The following EYA2 variants were observed in gnomAD, a reference collection of about 807,000 sequenced individuals.
EYA2 encodes protein phosphatase EYA2.
EYA2 carries 31 observed loss-of-function variants against 69.2 expected under a neutral mutation model. The observed-to-expected ratio is 0.45, with a 90% confidence interval of 0.34 to 0.60. The LOEUF (loss-of-function observed/expected upper bound fraction) is 0.60. Among genes scored for constraint, EYA2 ranks in the 20% least tolerant of loss-of-function variants. EYA2 has a pLI of 0.02. For synonymous variants in EYA2, 257 were observed against 279.4 expected, an observed-to-expected ratio of 0.92 and a Z score of 0.80; for missense variants, 622 against 701.2, an observed-to-expected ratio of 0.89 and a Z score of 1.28.
chr20:46,990,221 C>A (rs897275112), intron 2 of EYA2, 102 bp downstream of exon 2: 12 of 611,366 alleles, frequency 2.0e-5, no homozygotes, highest in Non-Finnish European at 3.0e-5. Flanking sequence ...AAGTACTGTC[C>A]TTAGGACAAT....
intron 9 of EYA2, among the ~76,000 whole-genome samples, chr20:47,097,813 T>C (rs2032296628): frequency 6.6e-6 from 1 of 152,204 alleles, no homozygotes; most frequent in Admixed American, 6.5e-5. Context: ...TCCCATGGGC[T>C]ACTGAACAGA....
At chr20:47,094,279 C>T (rs564793662) in intron 8 of EYA2, among the ~76,000 whole-genome samples, 9 of 152,128 alleles carry the variant, frequency 5.9e-5, no homozygotes, top group Non-Finnish European at 1.0e-4. Flanking sequence ...AAGTTCAACC[C>T]CAGTGAATTC....
At chr20:47,057,200 G>T (rs1325864056) in intron 5 of EYA2, among the ~76,000 whole-genome samples, 1 of 149,854 alleles carries the variant, frequency 6.7e-6, no homozygotes, top group Non-Finnish European at 1.5e-5. Flanking sequence ...GCACGTACTA[G>T]GCACTCAACA....
At chr20:47,101,631 G>A (rs1247550150) in intron 9 of EYA2, among the ~76,000 whole-genome samples, 1 of 152,158 alleles carries the variant, frequency 6.6e-6, no homozygotes, top group African/African-American at 2.4e-5. Flanking sequence ...ATAGTAAAAG[G>A]AAAAACAATT....
Position 47,182,628 on chromosome 20 carries a change from T to TCAAAAAAAAAAAAAAAAAAAAAAAAAA in EYA2, c.1436-663_1436-662insCAAAAAAAAAAAAAAAAAAAAAAAAAA, listed in dbSNP as rs779945744. 8.2e-4 allele frequency among the ~76,000 whole-genome samples: 69 copies of TCAAAAAAAAAAAAAAAAAAAAAAAAAA among 84,336 alleles called. 19 individuals carry two copies. The highest frequency in any genetic ancestry group is 4.1e-3 in the African/African-American group (62 of 15,294). The allele number at this position is 84,336 out of a possible 152,430, so 55.3% of individuals were successfully genotyped here. A position where few individuals can be genotyped will look rare whatever the true frequency, so the allele number is the denominator to read the frequency against. ...TGGGCAACAAGAACGAGACTCCGTC[T>TCAAAAAAAAAAAAAAAAAAAAAAAAAA]AAAAAAAAAAAAAAAAGGTTAAGAT... On this transcript the variant is annotated intron_variant, in intron 14 of 15. Transcript: ENST00000327619.
intron 5 of EYA2, among the ~76,000 whole-genome samples, chr20:47,065,775 G>C (rs1233582699): frequency 6.6e-6 from 1 of 152,092 alleles, no homozygotes; most frequent in Non-Finnish European, 1.5e-5. Context: ...GTAATAAACG[G>C]TTTGTGAGCA....
intron 4 of EYA2, among the ~76,000 whole-genome samples, chr20:47,011,457 T>A (rs188845857): frequency 1.2e-4 from 18 of 152,236 alleles, no homozygotes; most frequent in Admixed American, 9.8e-4. Context: ...CACTGCAGTA[T>A]CTTTGCCCTG....
chr20:46,922,872 A>G (rs1215689366), intron 1 of EYA2, among the ~76,000 whole-genome samples: 2 of 152,206 alleles, frequency 1.3e-5, no homozygotes, highest in Non-Finnish European at 2.9e-5. Flanking sequence ...ATCTGTATCA[A>G]TGTCATCACT....
rs557206098 is a variant in EYA2 at position 47,113,353 on chromosome 20, G to A, written c.888+16185G>A. ...GCCTTACAGCTGCTGTTTCATCCTT[G>A]AATTGCTTCAGTCCCAGGAGAGAGG... On this transcript the variant is annotated intron_variant, in intron 9 of 15. Coordinates refer to ENST00000327619, the MANE Select transcript of EYA2 (RefSeq NM_005244.5). 2.0e-5 allele frequency among the ~76,000 whole-genome samples: 3 copies of A among 152,266 alleles called. No homozygotes were observed. In the East Asian group the frequency reaches 5.8e-4, roughly 29 times the overall value.
intron 5 of EYA2, among the ~76,000 whole-genome samples, chr20:47,017,699 T>C (rs1983494194): frequency 6.6e-6 from 1 of 152,102 alleles, no homozygotes; most frequent in Admixed American, 6.6e-5. Flanking sequence ...TGACCAAACA[T>C]GCTAGGTGCC....
intron 1 of EYA2, among the ~76,000 whole-genome samples, chr20:46,933,317 CAGG>C (rs1985753696): frequency 6.6e-6 from 1 of 152,196 alleles, no homozygotes; most frequent in Non-Finnish European, 1.5e-5. Flanking sequence ...ACAGCTGGGG[CAGG>C]AGGAGAACAT....
At chr20:47,165,541 T>G (rs1004430138) in intron 10 of EYA2, among the ~76,000 whole-genome samples, 6 of 152,148 alleles carry the variant, frequency 3.9e-5, no homozygotes, top group African/African-American at 1.4e-4. Context: ...CTGCCGTTGG[T>G]CTCCAGGCCT....
chr20:46,914,425 C>T (rs887481472), intron 1 of EYA2, among the ~76,000 whole-genome samples: 3 of 152,182 alleles, frequency 2.0e-5, no homozygotes, highest in Non-Finnish European at 4.4e-5. Context: ...AAGACATACC[C>T]AACTGGGTAA....
chr20:47,060,695 G>T (rs1006967596), intron 5 of EYA2, among the ~76,000 whole-genome samples: 1 of 152,178 alleles, frequency 6.6e-6, no homozygotes, highest in Non-Finnish European at 1.5e-5. Flanking sequence ...TTGCTCCCCA[G>T]CACTGAAGCC....
intron 10 of EYA2, among the ~76,000 whole-genome samples, chr20:47,155,397 ATG>A (rs1361562064): frequency 6.6e-6 from 1 of 151,920 alleles, no homozygotes; most frequent in Non-Finnish European, 1.5e-5. Flanking sequence ...CTGAGTGCAC[ATG>A]TGGGAGTAAC....
chr20:47,092,447 G>A (rs150836265), intron 8 of EYA2, among the ~76,000 whole-genome samples: 67 of 152,288 alleles, frequency 4.4e-4, no homozygotes, highest in East Asian at 4.1e-3. Context: ...ACGTATTGGC[G>A]TCAGGTTGTA....
At chr20:47,095,902 C>G (rs2032233193) in intron 8 of EYA2, 6 of 152,100 alleles carry the variant, frequency 3.9e-5, no homozygotes, top group Middle Eastern at 3.2e-3. Flanking sequence ...GGATCCAACC[C>G]AGAAATACAA....
At chr20:46,991,130 G>T (rs118015976) in intron 2 of EYA2, among the ~76,000 whole-genome samples, 1,747 of 152,274 alleles carry the variant, frequency 0.011, 21 homozygotes, top group Middle Eastern at 0.017. Flanking sequence ...CTGCCCAGGG[G>T]CCTTTGAGAG....
intron 1 of EYA2, among the ~76,000 whole-genome samples, chr20:46,946,570 C>CATAT (rs1274728105): frequency 1.3e-5 from 2 of 152,144 alleles, no homozygotes; most frequent in African/African-American, 4.8e-5. Flanking sequence ...TGAGTAAGGC[C>CATAT]ATATAGGCCA....
Sources: allele counts gnomAD v4.1 joint callset (sites outside exome capture counted in the v4.1 genomes callset), GRCh38; gene constraint gnomAD v4.1.1; transcripts MANE v1.5; gene names NCBI Gene and HGNC (gene_info 2026-07-23, HGNC 2026-07-21).